The following RINT1 variants were observed in gnomAD, a reference collection of about 807,000 sequenced individuals.
RINT1 encodes RAD50 interactor 1.
A neutral mutation model predicts 97.7 loss-of-function variants in RINT1; 75 were observed. That is an observed-to-expected ratio of 0.77 (90% CI 0.64 to 0.93). The LOEUF is 0.93. RINT1 is among the 40% of genes least tolerant of loss of function. The pLI, the probability that RINT1 is intolerant of heterozygous loss-of-function variation, is 0.00. For missense variants in RINT1, 892 were observed against 925.2 expected, an observed-to-expected ratio of 0.96 and a Z score of 0.47; for synonymous variants, 303 against 326.3, an observed-to-expected ratio of 0.93 and a Z score of 0.77.
chr7:105,552,584 C>T (rs761349981), intron 10 of RINT1, among the ~76,000 whole-genome samples: 21 of 151,558 alleles, frequency 1.4e-4, no homozygotes, highest in Admixed American at 2.6e-4. Context: ...TCTTCACCTT[C>T]GTCAACCACT....
intron 11 of RINT1, among the ~76,000 whole-genome samples, chr7:105,558,545 G>A (rs1309876769): frequency 6.6e-6 from 1 of 152,072 alleles, no homozygotes; most frequent in African/African-American, 2.4e-5. Flanking sequence ...AAGAAAGATG[G>A]CTGGGCACGA....
rs776469444 is a variant in RINT1, at chr7:105,565,518, T to TTTTG, written c.2068-12_2068-11insTTTG. 21 of 1,609,910 alleles carry TTTTG rather than the reference T, an allele frequency of 1.3e-5. No homozygotes were observed. Among genetic ancestry groups the TTTTG allele is most frequent in the Non-Finnish European group, 8.5e-7 (1 of 1,176,674 alleles). The stretch of plus-strand genomic sequence containing the variant: ...TAAAGACAACTGTTATATGAATTAT[T>TTTTG]CTTTGTTTCAGATAATTCTTGCTAA... On this transcript the variant is annotated splice_polypyrimidine_tract_variant and intron_variant, in intron 13 of 14. Coordinates refer to ENST00000257700, the MANE Select transcript of RINT1 (RefSeq NM_021930.6).
rs1328658171 is a variant in RINT1, at chr7:105,545,510, A to G, written c.516-1400A>G. 2.7e-5 allele frequency among the ~76,000 whole-genome samples: 4 copies of G among 145,914 alleles called. No individual in the cohort carries two copies. The Admixed American group carries it at 2.8e-4, about 10-fold the overall frequency. On this transcript the variant is annotated intron_variant, in intron 4 of 14. Coordinates refer to ENST00000257700, the MANE Select transcript of RINT1 (RefSeq NM_021930.6). The stretch of plus-strand genomic sequence containing the variant: ...TGTACATTTGAAATTCTTCTGTAAT[A>G]TTTGTATATATATATATATATTTTT...
intron 10 of RINT1, among the ~76,000 whole-genome samples, chr7:105,552,669 T>TTC: frequency 9.1e-6 from 1 of 109,768 alleles, no homozygotes; most frequent in African/African-American, 5.3e-5. Flanking sequence ...ATAATTCCTT[T>TTC]TTTTTTTTTT....
rs1197287143 is a variant in RINT1 at position 105,567,647 on chromosome 7, A to C, written c.*336A>C. The C allele has an allele frequency of 1.1e-5, 6 of 531,032 alleles. No individual in the cohort carries two copies. The highest frequency in any genetic ancestry group is 2.0e-5 in the Non-Finnish European group (6 of 302,800). 32.9% of individuals were successfully genotyped at this position (531,032 alleles called of 1,614,324 possible). On this transcript the variant is annotated 3_prime_UTR_variant, in exon 15 of 15. Transcript: ENST00000257700. ...AAGGGAAATTCTGTTGTGGATAATC[A>C]AACATAGCCAATAAATTTTTTTAAA...
chr7:105,563,685 C>T, intron 11 of RINT1, 48 bp from the exon 12 acceptor site: 1 of 1,454,616 alleles, frequency 6.9e-7, no homozygotes, highest in Non-Finnish European at 9.6e-7. Context: ...CTATTTCAAA[C>T]TGTTAAAAAA....
intron 6 of RINT1, 118 bp from the exon 7 acceptor site, chr7:105,548,436 T>G: frequency 1.2e-6 from 1 of 830,514 alleles, no homozygotes; most frequent in Non-Finnish European, 2.0e-6. Flanking sequence ...GCATCATAAT[T>G]AACTCTACTG....
chr7:105,562,254 GTTTT>G (rs370924643), intron 11 of RINT1, among the ~76,000 whole-genome samples: 1 of 152,020 alleles, frequency 6.6e-6, no homozygotes, highest in Non-Finnish European at 1.5e-5. Context: ...TCCGCAAACT[GTTTT>G]TTTGTTTTCT....
At chr7:105,565,681 T>TATC in intron 14 of RINT1, 33 bp downstream of exon 14, 3 of 1,387,222 alleles carry the variant, frequency 2.2e-6, no homozygotes, top group Non-Finnish European at 3.1e-6. Flanking sequence ...AATATTAATG[T>TATC]ATCAAATTGT....
intron 4 of RINT1, among the ~76,000 whole-genome samples, chr7:105,544,832 A>G (rs980655663): frequency 1.3e-5 from 2 of 152,190 alleles, no homozygotes; most frequent in Non-Finnish European, 2.9e-5. Flanking sequence ...GGTAGAGCAC[A>G]GTTATTTTTC....
At chr7:105,560,159 A>C (rs1244910965) in intron 11 of RINT1, among the ~76,000 whole-genome samples, 1 of 152,218 alleles carries the variant, frequency 6.6e-6, no homozygotes, top group Non-Finnish European at 1.5e-5. Flanking sequence ...TTCCAGGCTC[A>C]CATGGTCCTT....
At chr7:105,543,425 A>T (rs1790540249) in intron 4 of RINT1, among the ~76,000 whole-genome samples, 1 of 152,192 alleles carries the variant, frequency 6.6e-6, no homozygotes, top group Non-Finnish European at 1.5e-5. Context: ...GGTAGGAAAA[A>T]CAAAAAAGGA....
intron 6 of RINT1, 48 bp downstream of exon 6, chr7:105,547,381 ATGGGTT>A: frequency 6.3e-7 from 1 of 1,594,544 alleles, no homozygotes. Context: ...TTTTTCTAGA[ATGGGTT>A]TGTGGCTAGA....
Position 105,542,411 on chromosome 7 carries a change from C to A in RINT1, c.277C>A (p.Leu93Ile). Residue 93 changes from leucine to isoleucine, a missense_variant, in exon 4 of 15, where the codon CTT (leucine) becomes ATT (isoleucine). Coordinates refer to ENST00000257700, the MANE Select transcript of RINT1 (RefSeq NM_021930.6). ...TCTTTTTTAAAATTATGGTCAGGTA[C>A]TTACAATTTCATCAGAAATTCCTAA... is the stretch of plus-strand genomic sequence containing the variant. The part of the protein sequence containing the change: ...VSKMQLEEQV[L>I]TISSEIPKRI... 6.3e-7 allele frequency: 1 copy of A among 1,594,822 alleles called. No homozygotes were observed. Among genetic ancestry groups the A allele is most frequent in the African/African-American group, 1.3e-5 (1 of 74,518 alleles).
intron 6 of RINT1, among the ~76,000 whole-genome samples, chr7:105,547,565 T>C (rs1790721600): frequency 6.6e-6 from 1 of 152,104 alleles, no homozygotes; most frequent in Non-Finnish European, 1.5e-5. Context: ...TCCAAGTTCA[T>C]AGCACAAAAA....
At position 105,557,481 on chromosome 7, in the gene RINT1, A is replaced by G. The variant is rs994433571; in HGVS notation, c.1671+2254A>G. Among the ~76,000 whole-genome samples, 3 of 152,140 alleles carry G rather than the reference A, an allele frequency of 2.0e-5. No homozygotes were observed. The East Asian group carries it at 5.8e-4, about 29-fold the overall frequency. On this transcript the variant is annotated intron_variant, in intron 11 of 14. Transcript: ENST00000257700. ...TTAATGCAATAAAACAGGAAATAAA[A>G]GCGGAAATGAAATATATTCAAACAT... is the stretch of plus-strand genomic sequence containing the variant.
intron 4 of RINT1, among the ~76,000 whole-genome samples, chr7:105,545,702 T>C (rs1790638349): frequency 6.6e-6 from 1 of 150,690 alleles, no homozygotes; most frequent in Admixed American, 6.6e-5. Context: ...GTTTTTATAT[T>C]TTTAGTAGAG....
Position 105,550,056 on chromosome 7 carries a change from C to G in RINT1, c.998C>G (p.Pro333Arg). 6.3e-7 allele frequency: 1 copy of G among 1,591,956 alleles called. No homozygotes were observed. Among genetic ancestry groups the G allele is most frequent in the Non-Finnish European group, 8.6e-7 (1 of 1,166,008 alleles). Reference protein sequence around the residue: ...GNRQTNVLSKPEWYLAQVLMW... With the variant: ...GNRQTNVLSKREWYLAQVLMW... ...CAAACTATTTTCCTCCTTCCTTAGC[C>G]AGAATGGTACTTGGCTCAAGTACTT... Residue 333 changes from proline (P) to arginine (R), a missense_variant and splice_region_variant, in exon 8 of 15, where the codon CCA becomes CGA. Physicochemically the swap from Pro to Arg is moderately radical, Grantham distance 103 (BLOSUM62 -2). Coordinates refer to ENST00000257700, the MANE Select transcript of RINT1 (RefSeq NM_021930.6).
At chr7:105,549,326 G>A (rs1342909670) in intron 7 of RINT1, among the ~76,000 whole-genome samples, 2 of 151,682 alleles carry the variant, frequency 1.3e-5, no homozygotes, top group Non-Finnish European at 2.9e-5. Flanking sequence ...TATAAGACAT[G>A]CGTAGTTTTT....
Sources: gnomAD v4.1 joint callset for allele counts (sites outside exome capture counted in the v4.1 genomes callset) on GRCh38, gnomAD v4.1.1 for gene constraint, MANE v1.5 for transcripts, NCBI Gene and HGNC (gene_info 2026-07-23, HGNC 2026-07-21) for gene names.